ZNF518A: variants seen among roughly 807,000 people sequenced by gnomAD.
ZNF518A encodes zinc finger protein 518.
A neutral mutation model predicts 102.7 loss-of-function variants in ZNF518A; 47 were observed. The ratio of observed to expected loss-of-function variants is 0.46; its 90% CI spans 0.36 to 0.58. The LOEUF (loss-of-function observed/expected upper bound fraction) is 0.58. ZNF518A is among the 20% of genes least tolerant of loss of function. ZNF518A has a pLI of 0.00. For synonymous variants in ZNF518A, 652 were observed against 594.6 expected, an observed-to-expected ratio of 1.10 and a Z score of -1.40; for missense variants, 1,793 against 1,699.8, an observed-to-expected ratio of 1.05 and a Z score of -0.96.
At chr10:96,140,857 A>G (rs999206075) in intron 3 of ZNF518A, among the ~76,000 whole-genome samples, 11 of 152,042 alleles carry the variant, frequency 7.2e-5, no homozygotes, top group African/African-American at 2.4e-4. Context: ...GGGAGAATCA[A>G]TTGAGCCCAG....
intron 3 of ZNF518A, among the ~76,000 whole-genome samples, chr10:96,134,495 A>G (rs2081502196): frequency 6.6e-6 from 1 of 152,170 alleles, no homozygotes; most frequent in African/African-American, 2.4e-5. Context: ...TGGCCTCCCA[A>G]AGTGCTGGGA....
chr10:96,190,259 G>A lies in ZNF518A; in HGVS notation n.36-13315G>A, dbSNP rs587741423. ...CACTTAGGTGGGAGAGAAAGCAGAC[G>A]GAGATAAACGACCACTGCTCAAGAG... On this transcript the variant is annotated intron_variant and non_coding_transcript_variant, in intron 1 of 2. Transcript: ENST00000442635. 26 of 720,762 alleles carry A rather than the reference G, an allele frequency of 3.6e-5. 1 individual carries two copies. Among genetic ancestry groups the A allele is most frequent in the Non-Finnish European group, 2.8e-5 (11 of 391,414 alleles). The allele number at this position is 720,762 out of a possible 1,614,324, so 44.6% of individuals were successfully genotyped here.
intron 3 of ZNF518A, among the ~76,000 whole-genome samples, chr10:96,140,428 T>C (rs2081859655): frequency 6.6e-6 from 1 of 152,168 alleles, no homozygotes; most frequent in African/African-American, 2.4e-5. Context: ...TCCCAGCAAA[T>C]AGCAGTACAT....
intron 3 of ZNF518A, among the ~76,000 whole-genome samples, chr10:96,144,151 A>T (rs1564750746): frequency 6.6e-6 from 1 of 152,066 alleles, no homozygotes; most frequent in Non-Finnish European, 1.5e-5. Context: ...ATGCTCAGCT[A>T]ATTTTTGTAT....
At chr10:96,150,064 G>A (rs1165996943) in intron 3 of ZNF518A, among the ~76,000 whole-genome samples, 6 of 151,516 alleles carry the variant, frequency 4.0e-5, no homozygotes, top group Non-Finnish European at 7.4e-5. Flanking sequence ...GTGGCTCACG[G>A]CTGTAATCTG....
At chr10:96,177,870 TA>T (rs1474748351) in intron 1 of ZNF518A, among the ~76,000 whole-genome samples, 1 of 152,000 alleles carries the variant, frequency 6.6e-6, no homozygotes, top group Non-Finnish European at 1.5e-5. Context: ...AAAATGATAC[TA>T]GGGATAAAAA....
intron 1 of ZNF518A, among the ~76,000 whole-genome samples, chr10:96,201,705 T>C (rs2083640885): frequency 1.4e-5 from 2 of 146,308 alleles, no homozygotes; most frequent in Admixed American, 1.4e-4. Context: ...AGTCTAAATG[T>C]GGAAACATGT....
At chr10:96,185,040 G>A (rs1338891768) in intron 1 of ZNF518A, among the ~76,000 whole-genome samples, 2 of 151,866 alleles carry the variant, frequency 1.3e-5, no homozygotes, top group Non-Finnish European at 2.9e-5. Context: ...TTCACACTTC[G>A]TTTCATTAAT....
rs587710633 is a variant in ZNF518A at position 96,136,744 on chromosome 10, G to A, written c.-302+3096G>A. ...ACGTTCATTTTGGGCTCCAGAACTA[G>A]GAATGATGTAGAATTTATTGTTGTG... is the stretch of plus-strand genomic sequence containing the variant. On this transcript the variant is annotated intron_variant, in intron 3 of 5. Transcript: ENST00000316045. Among the ~76,000 whole-genome samples the A allele has an allele frequency of 7.2e-5, 11 of 152,242 alleles. No homozygotes were observed. In the East Asian group the frequency reaches 1.5e-3, roughly 21 times the overall value.
rs587746949 is a variant in ZNF518A at position 96,159,943 on chromosome 10, G to T, written c.3621G>T (p.Val1207=). Residue 1207 remains valine (V), a synonymous_variant, in exon 6 of 6, where the codon GTG becomes GTT. Coordinates refer to ENST00000316045, the MANE Select transcript of ZNF518A (RefSeq NM_001330736.2). ...LDDLMPANEI[V]ITSTATCPES... ...ACTTAATGCCAGCAAATGAAATTGT[G>T]ATAACTTCTACTGCAACATGCCCAG... is the stretch of plus-strand genomic sequence containing the variant. The T allele has an allele frequency of 1.2e-6, 2 of 1,613,456 alleles. No homozygotes were observed. Among genetic ancestry groups the T allele is most frequent in the East Asian group, 4.5e-5 (2 of 44,868 alleles).
At chr10:96,133,828 A>G (rs888110381) in intron 3 of ZNF518A, among the ~76,000 whole-genome samples, 180 bp downstream of exon 3, 1 of 152,216 alleles carries the variant, frequency 6.6e-6, no homozygotes, top group Non-Finnish European at 1.5e-5. Flanking sequence ...TTACAAAGGC[A>G]TGAATTTTTA....
intron 2 of ZNF518A, among the ~76,000 whole-genome samples, chr10:96,133,225 G>A (rs1412044175): frequency 6.6e-6 from 1 of 152,160 alleles, no homozygotes; most frequent in Non-Finnish European, 1.5e-5. Flanking sequence ...GATAAAGGTG[G>A]TAGATAGATG....
At chr10:96,155,165 ATTG>A (rs1329067619) in intron 3 of ZNF518A, among the ~76,000 whole-genome samples, 158 bp from the exon 4 acceptor site, 1 of 147,728 alleles carries the variant, frequency 6.8e-6, no homozygotes, top group Non-Finnish European at 1.5e-5. Context: ...TCAACAATAT[ATTG>A]TTATGTCCCA....
chr10:96,204,692 G>A (rs1398508298), downstream of ZNF518A: 30 of 1,372,918 alleles, frequency 2.2e-5, no homozygotes, highest in Non-Finnish European at 2.2e-5. Flanking sequence ...AACATCAGCT[G>A]AGAAGAACCA....
Position 96,156,798 on chromosome 10 carries a change from C to G in ZNF518A, c.476C>G (p.Ala159Gly), listed in dbSNP as rs1554882759. The G allele has an allele frequency of 6.2e-7, 1 of 1,613,884 alleles. No homozygotes were observed. Among genetic ancestry groups the G allele is most frequent in the Non-Finnish European group, 8.5e-7 (1 of 1,179,798 alleles). ...CCTTGTGAAATGTGCAACTTTTCAG[C>G]AAATGACTTTCAGGTATTTAAACAA... ...SYPCEMCNFS[A>G]NDFQVFKQHR... The change falls in exon 6 of 6, where the codon GCA becomes GGA. Residue 159 changes from alanine (A) to glycine (G), a missense_variant. Coordinates refer to ENST00000316045, the MANE Select transcript of ZNF518A (RefSeq NM_001330736.2).
chr10:96,158,965 T>A lies in ZNF518A; in HGVS notation c.2643T>A (p.Ile881=), dbSNP rs1554885309. ...GAGATTCAGAGAAGATGCCTAGAAT[T>A]TCAGGTTTTGGCACATTACTTAAGA... The part of the protein sequence containing the change: ...DVRDSEKMPR[I]SGFGTLLKTQ... Residue 881 remains isoleucine (I), a synonymous_variant, in exon 6 of 6, where the codon ATT becomes ATA. Coordinates refer to ENST00000316045, the MANE Select transcript of ZNF518A (RefSeq NM_001330736.2). The A allele has an allele frequency of 1.9e-6, 3 of 1,613,510 alleles. No homozygotes were observed. The highest frequency in any genetic ancestry group is 1.7e-5 in the Admixed American group (1 of 59,926).
chr10:96,202,325 G>C (rs1554896431), intron 1 of ZNF518A, among the ~76,000 whole-genome samples: 1 of 152,188 alleles, frequency 6.6e-6, no homozygotes, highest in East Asian at 1.9e-4. Context: ...GCAGAGTGGG[G>C]GAGGCCAGTT....
At chr10:96,201,116 T>A in intron 1 of ZNF518A, 2 of 1,453,836 alleles carry the variant, frequency 1.4e-6, no homozygotes, top group Non-Finnish European at 9.7e-7. Flanking sequence ...ACTCTTTCTA[T>A]GCCTATCCCC....
At chr10:96,202,982 C>G (rs1215923805) in intron 1 of ZNF518A, among the ~76,000 whole-genome samples, 11 of 152,184 alleles carry the variant, frequency 7.2e-5, no homozygotes, top group African/African-American at 2.7e-4. Flanking sequence ...TGCCACCCAC[C>G]CCTGCTGCTG....
Sources: gnomAD v4.1 joint callset for allele counts (sites outside exome capture counted in the v4.1 genomes callset) on GRCh38, gnomAD v4.1.1 for gene constraint, MANE v1.5 for transcripts, NCBI Gene and HGNC (gene_info 2026-07-23, HGNC 2026-07-21) for gene names.